Variants in KLHL1 observed in about 807,000 individuals in gnomAD.
The protein encoded by KLHL1 is kelch like family member 1.
KLHL1 carries 47 observed loss-of-function variants against 77.7 expected under a neutral mutation model. The ratio of observed to expected loss-of-function variants is 0.60; its 90% CI spans 0.48 to 0.77. The LOEUF (loss-of-function observed/expected upper bound fraction) is 0.77, where lower values mean the gene tolerates loss of function less well. Ranked by LOEUF, KLHL1 falls within the 30% of genes least tolerant of loss-of-function variation. The pLI, the probability that KLHL1 is intolerant of heterozygous loss-of-function variation, is 0.00. For missense variants in KLHL1, 925 were observed against 910.8 expected, an observed-to-expected ratio of 1.02 and a Z score of -0.20; for synonymous variants, 360 against 325.2, an observed-to-expected ratio of 1.11 and a Z score of -1.15.
At chr13:69,818,102 C>T (rs909854482) in intron 6 of KLHL1, among the ~76,000 whole-genome samples, 1 of 151,572 alleles carries the variant, frequency 6.6e-6, no homozygotes, top group Non-Finnish European at 1.5e-5. Context: ...CGCTTTTCAT[C>T]TGACAGCCTT....
At chr13:70,063,524 A>G (rs1443738155) in intron 1 of KLHL1, among the ~76,000 whole-genome samples, 14 of 152,126 alleles carry the variant, frequency 9.2e-5, no homozygotes, top group Non-Finnish European at 1.8e-4. Flanking sequence ...ATTTAAAATT[A>G]TAATCTAACA....
intron 7 of KLHL1, among the ~76,000 whole-genome samples, chr13:69,795,613 G>C (rs1223594802): frequency 6.6e-6 from 1 of 152,076 alleles, no homozygotes; most frequent in Non-Finnish European, 1.5e-5. Flanking sequence ...AATTTACAAA[G>C]TGATTTCATA....
intron 1 of KLHL1, among the ~76,000 whole-genome samples, chr13:70,030,200 G>A (rs1886058879): frequency 6.6e-6 from 1 of 151,928 alleles, no homozygotes. Flanking sequence ...CAGAAAGTTA[G>A]CAAGGATGTC....
At chr13:70,094,264 T>C (rs942902952) in intron 1 of KLHL1, among the ~76,000 whole-genome samples, 2 of 151,986 alleles carry the variant, frequency 1.3e-5, no homozygotes, top group African/African-American at 4.8e-5. Context: ...AGTTCGAGGC[T>C]GCAGTGAGCT....
intron 6 of KLHL1, among the ~76,000 whole-genome samples, chr13:69,803,798 G>A (rs1877495310): frequency 6.6e-6 from 1 of 152,160 alleles, no homozygotes; most frequent in African/African-American, 2.4e-5. Flanking sequence ...TAGAAGCTGA[G>A]AATGATTCTG....
At chr13:70,002,142 CTCTGTACTCCT>C in intron 1 of KLHL1, among the ~76,000 whole-genome samples, 1 of 151,582 alleles carries the variant, frequency 6.6e-6, no homozygotes, top group East Asian at 1.9e-4. Flanking sequence ...GCATTACTCC[CTCTGTACTCCT>C]TAATACATAA....
At chr13:69,847,484 C>A (rs1223403009) in intron 5 of KLHL1, among the ~76,000 whole-genome samples, 12 of 150,710 alleles carry the variant, frequency 8.0e-5, no homozygotes, top group Non-Finnish European at 1.8e-4. Flanking sequence ...CACATCTATA[C>A]CTTTCATCTG....
chr13:70,075,615 T>TAC (rs1412691012), intron 1 of KLHL1, among the ~76,000 whole-genome samples: 1 of 38,428 alleles, frequency 2.6e-5, no homozygotes, highest in Non-Finnish European at 5.3e-5. Context: ...ATATAGGACT[T>TAC]ACATATATAT....
chr13:69,773,878 T>TAG (rs1185656935), intron 7 of KLHL1, among the ~76,000 whole-genome samples: 1 of 151,310 alleles, frequency 6.6e-6, no homozygotes, highest in Non-Finnish European at 1.5e-5. Context: ...TATATATATA[T>TAG]ATATACATAG....
chr13:69,801,499 T>A (rs969189084), intron 6 of KLHL1, among the ~76,000 whole-genome samples: 1 of 152,180 alleles, frequency 6.6e-6, no homozygotes, highest in Non-Finnish European at 1.5e-5. Flanking sequence ...GCATTAGCTT[T>A]AGTAGGCAAT....
intron 1 of KLHL1, among the ~76,000 whole-genome samples, chr13:70,017,081 C>T (rs566246496): frequency 7.2e-5 from 11 of 152,320 alleles, no homozygotes; most frequent in African/African-American, 2.6e-4. Context: ...CTCAATGAAG[C>T]TCTTCTCCAC....
chr13:69,932,318 T>TAA (rs995368522), intron 4 of KLHL1, among the ~76,000 whole-genome samples: 1 of 151,640 alleles, frequency 6.6e-6, no homozygotes, highest in Non-Finnish European at 1.5e-5. Flanking sequence ...TTTTTCTCAT[T>TAA]AAAAAAAGCA....
chr13:69,702,668 AT>A (rs1875452836), intron 10 of KLHL1, among the ~76,000 whole-genome samples: 1 of 151,708 alleles, frequency 6.6e-6, no homozygotes, highest in Non-Finnish European at 1.5e-5. Flanking sequence ...TCTACCAGTT[AT>A]TTTGAATGTA....
intron 1 of KLHL1, among the ~76,000 whole-genome samples, chr13:70,068,060 G>T (rs948575463): frequency 7.0e-6 from 1 of 141,912 alleles, no homozygotes; most frequent in African/African-American, 2.7e-5. Flanking sequence ...AAAAAAAAAG[G>T]GCCAGATGCA....
Position 69,824,918 on chromosome 13 carries a change from T to TA in KLHL1, c.1414+14057dup, listed in dbSNP as rs201160848. On this transcript the variant is annotated intron_variant, in intron 6 of 10. Coordinates refer to ENST00000377844, the MANE Select transcript of KLHL1 (RefSeq NM_020866.3). ...GAATGTAAATTTTGCCTAAAATATC[T>TA]AAAAAAAATTTGAAATCTAATGATA... 7.8e-3 allele frequency among the ~76,000 whole-genome samples: 1,192 copies of TA among 152,058 alleles called. 66 individuals carry two copies. Among genetic ancestry groups the TA allele is most frequent in the Admixed American group, 0.068 (1,040 of 15,246 alleles).
chr13:70,012,085 C>A (rs1284758185), intron 1 of KLHL1, among the ~76,000 whole-genome samples: 1 of 152,064 alleles, frequency 6.6e-6, no homozygotes, highest in Non-Finnish European at 1.5e-5. Flanking sequence ...AAAGACCCAC[C>A]CCCATGATTC....
At chr13:70,082,156 G>T (rs1887407792) in intron 1 of KLHL1, among the ~76,000 whole-genome samples, 2 of 152,036 alleles carry the variant, frequency 1.3e-5, no homozygotes, top group African/African-American at 4.8e-5. Flanking sequence ...AGAGCTCCCT[G>T]GCCATGGCTC....
At chr13:69,944,761 T>C (rs1883465447) in intron 3 of KLHL1, among the ~76,000 whole-genome samples, 2 of 152,034 alleles carry the variant, frequency 1.3e-5, no homozygotes, top group South Asian at 2.1e-4. Context: ...ATCCAAACAA[T>C]TCTGAAAAAT....
At chr13:69,927,672 A>G (rs1254922627) in intron 4 of KLHL1, among the ~76,000 whole-genome samples, 1 of 152,238 alleles carries the variant, frequency 6.6e-6, no homozygotes, top group Non-Finnish European at 1.5e-5. Context: ...TTCATTAGAC[A>G]TAGGAAAATC....
Sources: gnomAD v4.1 joint callset for allele counts (sites outside exome capture counted in the v4.1 genomes callset) on GRCh38, gnomAD v4.1.1 for gene constraint, MANE v1.5 for transcripts, NCBI Gene and HGNC (gene_info 2026-07-23, HGNC 2026-07-21) for gene names.